MMP27: variants seen among roughly 807,000 people sequenced by gnomAD.
MMP27 encodes matrix metallopeptidase 27, also known as matrix metalloproteinase-27.
Under a neutral mutation model 48.1 loss-of-function variants are expected in MMP27, and 51 were observed. The observed-to-expected ratio is 1.06, with a 90% CI of 0.85 to 1.34. MMP27 has a LOEUF of 1.34. Among genes scored for constraint, MMP27 ranks in the 40% most tolerant of loss-of-function variants. The pLI is 0.00. For synonymous variants in MMP27, 229 were observed against 208.9 expected (o/e 1.10, Z -0.83); for missense variants, 698 against 619.3 (o/e 1.13, Z -1.35).
chr11:102,702,852 C>A lies in MMP27; in HGVS notation c.520G>T (p.Gly174Cys). 6.2e-7 allele frequency: 1 copy of A among 1,613,938 alleles called. No individual in the cohort carries two copies. The highest frequency in any genetic ancestry group is 8.5e-7 in the Non-Finnish European group (1 of 1,179,960). The change falls in exon 4 of 10, where the codon GGT becomes TGT. Residue 174 changes from glycine to cysteine, a missense_variant. Coordinates refer to ENST00000260229, the MANE Select transcript of MMP27 (RefSeq NM_022122.3). ...VHGRCPRYFD[G>C]PLGVLGHAFP... ...GCATGGCCAAGCACTCCCAAGGGACCATCAAAATAGCGAGGACACCGACCA... is the reference window on the plus strand; with the variant it reads ...GCATGGCCAAGCACTCCCAAGGGACAATCAAAATAGCGAGGACACCGACCA...
At chr11:102,703,192 A>G in intron 2 of MMP27, 74 bp from the exon 3 acceptor site, 1 of 1,376,156 alleles carries the variant, frequency 7.3e-7, no homozygotes. Flanking sequence ...TACAAAAAAC[A>G]TTTCTAGCTT....
At chr11:102,700,406 A>G (rs185692963) in intron 4 of MMP27, among the ~76,000 whole-genome samples, 1 of 152,302 alleles carries the variant, frequency 6.6e-6, no homozygotes, top group Non-Finnish European at 1.5e-5. Flanking sequence ...ATCATCATCA[A>G]TACTAACAAT....
At position 102,705,748 on chromosome 11, in the gene MMP27, A is replaced by T. The variant is rs1861037436; in HGVS notation, c.-34T>A. The T allele has an allele frequency of 3.4e-6, 5 of 1,459,698 alleles. No individual in the cohort carries two copies. The East Asian group carries it at 1.2e-4, about 34-fold the overall frequency. 90.4% of individuals were successfully genotyped at this position (1,459,698 alleles called of 1,614,324 possible). ...TTCTTCAGCTGAAGCCGGTTCTGTT[A>T]GCACAGAATTTAGAAAATAATAGTG... On this transcript the variant is annotated 5_prime_UTR_variant, in exon 1 of 10. Coordinates refer to ENST00000260229, the MANE Select transcript of MMP27 (RefSeq NM_022122.3).
At chr11:102,692,139 A>AT in intron 9 of MMP27, 129 bp from the exon 10 acceptor site, 1 of 832,178 alleles carries the variant, frequency 1.2e-6, no homozygotes, top group African/African-American at 1.7e-5. Context: ...ACATACATAC[A>AT]TTTTAGTTTT....
chr11:102,693,472 C>T (rs1053918481), intron 8 of MMP27, among the ~76,000 whole-genome samples: 8 of 151,996 alleles, frequency 5.3e-5, no homozygotes, highest in Non-Finnish European at 1.0e-4. Context: ...TCATCCACTG[C>T]CTTCATTATT....
chr11:102,694,087 T>C (rs1860777776), intron 7 of MMP27, 22 bp from the exon 8 acceptor site: 1 of 1,511,974 alleles, frequency 6.6e-7, no homozygotes, highest in Non-Finnish European at 8.8e-7. Flanking sequence ...GGAGTGATTA[T>C]TTATTTTCTA....
At chr11:102,701,348 A>G (rs1860936850) in intron 4 of MMP27, among the ~76,000 whole-genome samples, 1 of 152,222 alleles carries the variant, frequency 6.6e-6, no homozygotes, top group Non-Finnish European at 1.5e-5. Flanking sequence ...GAGGGCTTAA[A>G]GCAGTATGGG....
At chr11:102,697,382 T>C (rs1442610516) in intron 4 of MMP27, among the ~76,000 whole-genome samples, 2 of 152,220 alleles carry the variant, frequency 1.3e-5, no homozygotes, top group African/African-American at 4.8e-5. Flanking sequence ...GGTGAGTGAA[T>C]GTGAAGGCCT....
Position 102,705,726 on chromosome 11 carries a change from T to G in MMP27, c.-12A>C. ...AGAAGGCGCTTCATTCCTCTCTTTC[T>G]TCAGCTGAAGCCGGTTCTGTTAGCA... On this transcript the variant is annotated 5_prime_UTR_variant, in exon 1 of 10. Coordinates refer to ENST00000260229, the MANE Select transcript of MMP27 (RefSeq NM_022122.3). 6.3e-7 allele frequency: 1 copy of G among 1,588,512 alleles called. No individual in the cohort carries two copies. The highest frequency in any genetic ancestry group is 8.6e-7 in the Non-Finnish European group (1 of 1,163,910).
At chr11:102,701,597 T>C (rs1860941437) in intron 4 of MMP27, among the ~76,000 whole-genome samples, 1 of 152,186 alleles carries the variant, frequency 6.6e-6, no homozygotes, top group Non-Finnish European at 1.5e-5. Flanking sequence ...ACATGGTTCA[T>C]TCCTTTCCTC....
At chr11:102,696,548 A>T in intron 5 of MMP27, 57 bp from the exon 6 acceptor site, 4 of 1,600,698 alleles carry the variant, frequency 2.5e-6, no homozygotes, top group Non-Finnish European at 3.4e-6. Context: ...AAATATGCCT[A>T]CACAAGGGTC....
chr11:102,692,840 A>C, intron 9 of MMP27, 98 bp downstream of exon 9: 1 of 938,718 alleles, frequency 1.1e-6, no homozygotes, highest in Non-Finnish European at 1.7e-6. Flanking sequence ...GAGTAGCAAA[A>C]TTGCATTAAA....
intron 2 of MMP27, among the ~76,000 whole-genome samples, chr11:102,704,185 T>G (rs1222189242): frequency 6.6e-6 from 1 of 152,202 alleles, no homozygotes; most frequent in Non-Finnish European, 1.5e-5. Context: ...CATTTTCTCT[T>G]GGGCACCCTT....
chr11:102,692,618 A>G (rs928969096), intron 9 of MMP27, among the ~76,000 whole-genome samples: 6 of 152,238 alleles, frequency 3.9e-5, no homozygotes, highest in African/African-American at 9.6e-5. Flanking sequence ...ATTAAGGTAC[A>G]TACATTAAAG....
At position 102,698,773 on chromosome 11, in the gene MMP27, T is replaced by C. The variant is rs576370513; in HGVS notation, c.620-1938A>G. 2.6e-5 allele frequency among the ~76,000 whole-genome samples: 4 copies of C among 152,348 alleles called. No homozygotes were observed. The South Asian group carries it at 8.3e-4, about 32-fold the overall frequency. ...ATAACATATCTCTTCCACTTTCTCCTGGCTTAACTATCCTATTTATTCCCC... is the reference window on the plus strand; with the variant it reads ...ATAACATATCTCTTCCACTTTCTCCCGGCTTAACTATCCTATTTATTCCCC... On this transcript the variant is annotated intron_variant, in intron 4 of 9. Transcript: ENST00000260229.
At position 102,696,698 on chromosome 11, in the gene MMP27, T is replaced by C. The variant is rs1555090150; in HGVS notation, c.757A>G (p.Ile253Val). ...PRKYPLSQDDINGIQSIYGGL... is the reference protein window; with the variant it reads ...PRKYPLSQDDVNGIQSIYGGL... Reference sequence around the variant, plus strand: ...CCATAGATGGACTGGATTCCATTGATATCATCCTGAGAAAGTGGGTATTTT... The same window carrying C: ...CCATAGATGGACTGGATTCCATTGACATCATCCTGAGAAAGTGGGTATTTT... The change falls in exon 5 of 10, where the codon ATC (isoleucine) becomes GTC (valine). Residue 253 changes from isoleucine (I) to valine (V), a missense_variant. Coordinates refer to ENST00000260229, the MANE Select transcript of MMP27 (RefSeq NM_022122.3). 1.4e-5 allele frequency: 23 copies of C among 1,613,624 alleles called. No homozygotes were observed. Among genetic ancestry groups the C allele is most frequent in the South Asian group, 3.3e-5 (3 of 90,980 alleles).
intron 4 of MMP27, among the ~76,000 whole-genome samples, chr11:102,701,283 C>T (rs1799517368): frequency 1.4e-5 from 2 of 143,022 alleles, no homozygotes; most frequent in Non-Finnish European, 3.1e-5. Flanking sequence ...CGATGTGGAA[C>T]CCAGATACAT....
intron 9 of MMP27, 52 bp downstream of exon 9, chr11:102,692,886 A>G: frequency 6.9e-7 from 1 of 1,443,406 alleles, no homozygotes; most frequent in South Asian, 1.2e-5. Flanking sequence ...GTCTTTTTTC[A>G]CAGTCAACAC....
intron 9 of MMP27, 27 bp downstream of exon 9, chr11:102,692,911 C>T: frequency 6.4e-7 from 1 of 1,556,394 alleles, no homozygotes; most frequent in Non-Finnish European, 8.8e-7. Flanking sequence ...TCTCAAGTAT[C>T]CCAATAAGTG....
Sources: gnomAD v4.1 joint callset for allele counts (sites outside exome capture counted in the v4.1 genomes callset) on GRCh38, gnomAD v4.1.1 for gene constraint, MANE v1.5 for transcripts, NCBI Gene and HGNC (gene_info 2026-07-23, HGNC 2026-07-21) for gene names.